The following DOP1A variants were observed in gnomAD, a reference collection of about 807,000 sequenced individuals.
DOP1A encodes DOP1 leucine zipper like protein A.
In DOP1A, 90 loss-of-function variants were observed where a neutral mutation model predicts 267.6. That is an observed-to-expected ratio of 0.34 (90% CI 0.28 to 0.40). The LOEUF is 0.40. Among genes scored for constraint, DOP1A ranks in the 10% least tolerant of loss-of-function variants. The pLI is 1.00. For missense variants in DOP1A, 2,437 were observed against 2,900.4 expected (o/e 0.84, Z 3.67); for synonymous variants, 932 against 999.1 (o/e 0.93, Z 1.27).
intron 1 of DOP1A, among the ~76,000 whole-genome samples, chr6:83,071,681 A>T (rs1785623223): frequency 6.6e-6 from 1 of 152,214 alleles, no homozygotes; most frequent in Admixed American, 6.5e-5. Flanking sequence ...TGTAAATTAA[A>T]AAGTGTACTA....
At position 83,132,304 on chromosome 6, in the gene DOP1A, T is replaced by C; in HGVS notation, c.2745T>C (p.Ser915=). ...CTAGCATCTGTGAGGATGTTATAAG[T>C]CAGCAGTTAACCCATAAAGATAAGG... is the stretch of plus-strand genomic sequence containing the variant. ...PSSSICEDVI[S]QQLTHKDKKI... Residue 915 remains serine (S), a synonymous_variant, in exon 18 of 39, where the codon AGT becomes AGC. Coordinates refer to ENST00000349129, the MANE Select transcript of DOP1A (RefSeq NM_015018.4). 1.2e-6 allele frequency: 2 copies of C among 1,611,584 alleles called. No individual in the cohort carries two copies. Among genetic ancestry groups the C allele is most frequent in the African/African-American group, 2.7e-5 (2 of 74,030 alleles).
chr6:83,132,336 C>T lies in DOP1A; in HGVS notation c.2769+8C>T, dbSNP rs202039499. 1.3e-6 allele frequency: 2 copies of T among 1,598,954 alleles called. No homozygotes were observed. The highest frequency in any genetic ancestry group is 1.7e-6 in the Non-Finnish European group (2 of 1,168,262). On this transcript the variant is annotated splice_region_variant and intron_variant, in intron 18 of 38. Transcript: ENST00000349129. ...TTAACCCATAAAGATAAGGTAAATC[C>T]TCTTATCTTGTGCACACCGCCCCCT...
chr6:83,139,072 G>T lies in DOP1A; in HGVS notation c.5030G>T (p.Arg1677Ile). The change falls in exon 21 of 39, where the codon AGA becomes ATA. Residue 1677 changes from arginine (R) to isoleucine (I), a missense_variant. Coordinates refer to ENST00000349129, the MANE Select transcript of DOP1A (RefSeq NM_015018.4). ...TLPYMGKVLQRVVVSVTLQLC... is the reference protein window; with the variant it reads ...TLPYMGKVLQIVVVSVTLQLC... ...CCTTACATGGGAAAAGTTCTGCAGA[G>T]AGTGGTTGTTTCTGTGACACTACAA... is the stretch of plus-strand genomic sequence containing the variant. The T allele has an allele frequency of 1.9e-6, 3 of 1,614,058 alleles. No homozygotes were observed. The South Asian group carries it at 3.3e-5, about 18-fold the overall frequency.
chr6:83,120,275 T>C (rs1349043455), intron 9 of DOP1A, among the ~76,000 whole-genome samples: 1 of 151,894 alleles, frequency 6.6e-6, no homozygotes, highest in Non-Finnish European at 1.5e-5. Context: ...ATCTGAAGCA[T>C]TTTTAAATGA....
chr6:83,097,394 A>G (rs559184888), intron 3 of DOP1A, among the ~76,000 whole-genome samples: 64 of 152,346 alleles, frequency 4.2e-4, no homozygotes, highest in African/African-American at 1.5e-3. Flanking sequence ...CAAATATGCT[A>G]ACTATGAGGG....
At chr6:83,075,369 G>A (rs1032704392) in intron 1 of DOP1A, among the ~76,000 whole-genome samples, 2 of 152,110 alleles carry the variant, frequency 1.3e-5, no homozygotes, top group Admixed American at 1.3e-4. Flanking sequence ...TTACAATAAA[G>A]CAAGGTAAGT....
intron 38 of DOP1A, chr6:83,167,627 C>G: frequency 8.2e-7 from 1 of 1,225,586 alleles, no homozygotes; most frequent in East Asian, 3.4e-5. Context: ...CTAAGCTTAT[C>G]TGCGCATTCT....
chr6:83,170,502 G>A, downstream of DOP1A: 1 of 1,595,414 alleles, frequency 6.3e-7, no homozygotes, highest in Non-Finnish European at 8.6e-7. Flanking sequence ...TTTCATATTT[G>A]TTACTCTATT....
chr6:83,116,672 A>G (rs141760450), intron 7 of DOP1A, among the ~76,000 whole-genome samples: 196 of 152,230 alleles, frequency 1.3e-3, no homozygotes, highest in African/African-American at 4.4e-3. Flanking sequence ...TTAGCTCGGC[A>G]TGGTGGCACA....
Position 83,125,278 on chromosome 6 carries a change from CTG to C in DOP1A, c.1485+84_1485+85del, listed in dbSNP as rs942794628. Reference sequence around the variant, plus strand: ...AATTTTAGTAATGTAGCAGATAAAACTGGGGTTATTTTATAATATATGCTTTG... The same window carrying C: ...AATTTTAGTAATGTAGCAGATAAAACGGGTTATTTTATAATATATGCTTTG... On this transcript the variant is annotated intron_variant, in intron 14 of 38. Coordinates refer to ENST00000349129, the MANE Select transcript of DOP1A (RefSeq NM_015018.4). 5.1e-6 allele frequency: 7 copies of C among 1,360,620 alleles called. No individual in the cohort carries two copies. In the Admixed American group the frequency reaches 1.2e-4, roughly 23 times the overall value. 84.3% of individuals were successfully genotyped at this position (1,360,620 alleles called of 1,614,324 possible).
At chr6:83,115,201 TC>T (rs1775216828) in intron 7 of DOP1A, among the ~76,000 whole-genome samples, 1 of 152,220 alleles carries the variant, frequency 6.6e-6, no homozygotes, top group African/African-American at 2.4e-5. Flanking sequence ...AGACTTTTTT[TC>T]ATATTAGAAA....
At chr6:83,136,426 ATTAAT>A (rs1386025516) in intron 20 of DOP1A, among the ~76,000 whole-genome samples, 5 of 152,166 alleles carry the variant, frequency 3.3e-5, no homozygotes, top group African/African-American at 1.2e-4. Context: ...GTCCCCTTAG[ATTAAT>A]TTATTTCATT....
intron 7 of DOP1A, among the ~76,000 whole-genome samples, chr6:83,115,348 G>C (rs1200623149): frequency 6.6e-6 from 1 of 152,148 alleles, no homozygotes; most frequent in Non-Finnish European, 1.5e-5. Context: ...TGTAAATGGA[G>C]CTAATTAACA....
At chr6:83,100,940 A>C in intron 4 of DOP1A, 54 bp downstream of exon 4, 1 of 1,165,994 alleles carries the variant, frequency 8.6e-7, no homozygotes, top group East Asian at 3.1e-5. Flanking sequence ...ATGTATTGCT[A>C]AACTATTTTA....
At chr6:83,170,585 A>C, downstream of DOP1A, 1 of 854,040 alleles carries the variant, frequency 1.2e-6, no homozygotes, top group Non-Finnish European at 1.8e-6. Flanking sequence ...ATAAAATTAC[A>C]TTAAAACTTC....
intron 30 of DOP1A, among the ~76,000 whole-genome samples, chr6:83,153,016 C>A (rs1464939698): frequency 6.6e-6 from 1 of 152,088 alleles, no homozygotes; most frequent in Non-Finnish European, 1.5e-5. Flanking sequence ...CTTTTTTATA[C>A]CCTATTATAC....
At chr6:83,098,182 GC>G (rs556333494) in intron 3 of DOP1A, among the ~76,000 whole-genome samples, 1 of 152,144 alleles carries the variant, frequency 6.6e-6, no homozygotes, top group Non-Finnish European at 1.5e-5. Context: ...ACTATACCCA[GC>G]CTATCAAATA....
chr6:83,159,669 T>C, intron 36 of DOP1A, 127 bp from the exon 37 acceptor site: 1 of 1,032,808 alleles, frequency 9.7e-7, no homozygotes, highest in Non-Finnish European at 1.5e-6. Flanking sequence ...ATGACCTTGC[T>C]TAGCAATTAC....
Position 83,137,319 on chromosome 6 carries a change from G to A in DOP1A, c.3277G>A (p.Val1093Met). 6.2e-7 allele frequency: 1 copy of A among 1,613,742 alleles called. No individual in the cohort carries two copies. The highest frequency in any genetic ancestry group is 8.5e-7 in the Non-Finnish European group (1 of 1,179,784). Residue 1093 changes from valine to methionine, a missense_variant, in exon 21 of 39, where the codon GTG becomes ATG. Physicochemically the swap from Val to Met is conservative, Grantham distance 21. Coordinates refer to ENST00000349129, the MANE Select transcript of DOP1A (RefSeq NM_015018.4). ...CAGCAGTGAGACAATTCCAATGGTTGTGTCTGATTTTGATCTTCCAGACCA... is the reference window on the plus strand; with the variant it reads ...CAGCAGTGAGACAATTCCAATGGTTATGTCTGATTTTGATCTTCCAGACCA... Reference protein sequence around the residue: ...STSSETIPMVVSDFDLPDQQI... With the variant: ...STSSETIPMVMSDFDLPDQQI...
Sources: allele counts gnomAD v4.1 joint callset (sites outside exome capture counted in the v4.1 genomes callset), GRCh38; gene constraint gnomAD v4.1.1; transcripts MANE v1.5; gene names NCBI Gene and HGNC (gene_info 2026-07-23, HGNC 2026-07-21).